SUSD3: variants seen among roughly 807,000 people sequenced by gnomAD.
SUSD3 encodes the protein sushi domain-containing protein 3.
Under a neutral mutation model 20.6 loss-of-function variants are expected in SUSD3, and 18 were observed. The ratio of observed to expected loss-of-function variants is 0.87; its 90% confidence interval spans 0.60 to 1.30. The LOEUF is 1.30. Among genes scored for constraint, SUSD3 ranks in the 50% most tolerant of loss-of-function variants. The probability of loss-of-function intolerance (pLI) is 0.00; values close to 1 mark genes in which losing one functional copy is unlikely to be tolerated. For missense variants in SUSD3, 306 were observed against 346.9 expected (o/e 0.88, Z 0.94); for synonymous variants, 137 against 141.5 (o/e 0.97, Z 0.23).
chr9:93,078,301 G>A (rs965754680), intron 3 of SUSD3, among the ~76,000 whole-genome samples: 5 of 152,134 alleles, frequency 3.3e-5, no homozygotes, highest in Admixed American at 1.3e-4. Context: ...CTGTCACCCA[G>A]GCGACAGAGT....
chr9:93,070,491 G>A (rs764763242), intron 1 of SUSD3, among the ~76,000 whole-genome samples: 6 of 152,244 alleles, frequency 3.9e-5, no homozygotes, highest in Non-Finnish European at 8.8e-5. Context: ...CGGGGATAAA[G>A]AGCCAGGTGC....
chr9:93,075,202 GT>G (rs918819419), intron 1 of SUSD3, among the ~76,000 whole-genome samples: 2 of 151,810 alleles, frequency 1.3e-5, no homozygotes, highest in African/African-American at 4.8e-5. Flanking sequence ...GAACTTGTTG[GT>G]TTTTTTTAAA....
At chr9:93,061,966 AG>A (rs1587893591) in intron 1 of SUSD3, among the ~76,000 whole-genome samples, 1 of 152,226 alleles carries the variant, frequency 6.6e-6, no homozygotes, top group African/African-American at 2.4e-5. Flanking sequence ...GTCAGGTTAT[AG>A]GGGCTGTGTG....
intron 2 of SUSD3, among the ~76,000 whole-genome samples, chr9:93,076,689 C>T (rs571130931): frequency 3.9e-5 from 6 of 152,308 alleles, no homozygotes; most frequent in East Asian, 3.9e-4. Context: ...TCTGAGGATG[C>T]GAGTGTTAGG....
At chr9:93,067,591 T>A (rs1825764610) in intron 1 of SUSD3, among the ~76,000 whole-genome samples, 1 of 151,880 alleles carries the variant, frequency 6.6e-6, no homozygotes, top group Non-Finnish European at 1.5e-5. Context: ...CACTTCGTAT[T>A]GTCTGTCTTT....
intron 1 of SUSD3, among the ~76,000 whole-genome samples, chr9:93,062,232 C>G (rs976401911): frequency 6.6e-6 from 1 of 152,216 alleles, no homozygotes; most frequent in African/African-American, 2.4e-5. Context: ...CAGGTGTGGC[C>G]CTGAGGTACC....
chr9:93,075,049 ATT>A (rs933605271), intron 1 of SUSD3, among the ~76,000 whole-genome samples: 27 of 152,138 alleles, frequency 1.8e-4, no homozygotes, highest in African/African-American at 5.3e-4. Context: ...CAACTTGCAC[ATT>A]GTTTTCTTTT....
At chr9:93,073,852 A>G (rs1221481501) in intron 1 of SUSD3, among the ~76,000 whole-genome samples, 2 of 152,166 alleles carry the variant, frequency 1.3e-5, no homozygotes, top group Admixed American at 1.3e-4. Context: ...CTGTGTGTGT[A>G]TGAACGTGTG....
rs1313568269 is a variant in SUSD3 at position 93,084,779 on chromosome 9, A to G, written c.*32A>G. 11 of 1,450,590 alleles carry G rather than the reference A, an allele frequency of 7.6e-6. No homozygotes were observed. The highest frequency in any genetic ancestry group is 1.0e-5 in the Non-Finnish European group (11 of 1,102,894). 89.9% of individuals were successfully genotyped at this position (1,450,590 alleles called of 1,614,324 possible). A position where few individuals can be genotyped will look rare whatever the true frequency, so the allele number is the denominator to read the frequency against. ...AGTGAGGCTGGTGCCCATGCTCCAC[A>G]CTGGGAGGCCAGGCTGACCCCACCA... On this transcript the variant is annotated 3_prime_UTR_variant, in exon 5 of 5. Transcript: ENST00000375472.
intron 3 of SUSD3, among the ~76,000 whole-genome samples, chr9:93,078,835 T>G (rs1464998141): frequency 6.6e-6 from 1 of 152,074 alleles, no homozygotes; most frequent in African/African-American, 2.4e-5. Context: ...AGTCTCACTC[T>G]GTCGCCCAGG....
At chr9:93,060,853 CA>C (rs1825476007) in intron 1 of SUSD3, among the ~76,000 whole-genome samples, 1 of 152,050 alleles carries the variant, frequency 6.6e-6, no homozygotes, top group African/African-American at 2.4e-5. Context: ...AAACAAAAAC[CA>C]AAAACATAGC....
chr9:93,075,757 A>G (rs767394412), intron 1 of SUSD3, 27 bp from the exon 2 acceptor site: 2 of 170,728 alleles, frequency 1.2e-5, no homozygotes, highest in South Asian at 7.2e-5. Flanking sequence ...CCCCCCCGCC[A>G]TGCCTCATAC....
In SUSD3 at chr9:93,060,688, T is replaced by C. The variant is rs143605912; in HGVS notation, c.88+1858T>C. Among the ~76,000 whole-genome samples the C allele has an allele frequency of 4.6e-3, 701 of 152,016 alleles. 5 individuals are homozygous for C. The highest frequency in any genetic ancestry group is 7.5e-3 in the Non-Finnish European group (512 of 67,940). ...TCTACAAAAAATGCAAAAAAAAAATTAGCTGAGCATGGTGGCATGCGCCTG... is the reference window on the plus strand; with the variant it reads ...TCTACAAAAAATGCAAAAAAAAAATCAGCTGAGCATGGTGGCATGCGCCTG... On this transcript the variant is annotated intron_variant, in intron 1 of 4. Coordinates refer to ENST00000375472, the MANE Select transcript of SUSD3 (RefSeq NM_145006.4).
In SUSD3 at chr9:93,075,935, C is replaced by A. The variant is rs1307847062; in HGVS notation, c.240C>A (p.Ser80Arg). ...SGLLTCTWKG[S>R]IAEWSSGSPV... ...TCCTCACCTGCACCTGGAAGGGGAG[C>A]ATCGCTGAGTGGTCTTCAGGGTCCC... The change falls in exon 2 of 5, where the codon AGC becomes AGA. Residue 80 changes from serine (S) to arginine (R), a missense_variant. Coordinates refer to ENST00000375472, the MANE Select transcript of SUSD3 (RefSeq NM_145006.4). 2 of 1,612,418 alleles carry A rather than the reference C, an allele frequency of 1.2e-6. No individual in the cohort carries two copies. The highest frequency in any genetic ancestry group is 1.7e-6 in the Non-Finnish European group (2 of 1,178,922).
chr9:93,072,211 G>GA (rs1283957458), intron 1 of SUSD3, among the ~76,000 whole-genome samples: 1 of 152,060 alleles, frequency 6.6e-6, no homozygotes, highest in African/African-American at 2.4e-5. Context: ...CCTCAAGGCA[G>GA]AAGCAGTGTA....
At chr9:93,077,212 C>CAT (rs1438470655) in intron 2 of SUSD3, among the ~76,000 whole-genome samples, 1 of 152,158 alleles carries the variant, frequency 6.6e-6, no homozygotes, top group East Asian at 1.9e-4. Flanking sequence ...ACAGCAGATA[C>CAT]ATAGTATTTT....
intron 1 of SUSD3, among the ~76,000 whole-genome samples, chr9:93,072,851 A>G (rs979106426): frequency 1.3e-5 from 2 of 152,174 alleles, no homozygotes; most frequent in African/African-American, 4.8e-5. Context: ...CAACTGAAGG[A>G]TGGAGGGACT....
chr9:93,078,925 G>A (rs1050611504), intron 3 of SUSD3, among the ~76,000 whole-genome samples: 4 of 151,470 alleles, frequency 2.6e-5, no homozygotes, highest in Admixed American at 6.6e-5. Context: ...TCAGCCTCCC[G>A]AGTAGCTGGG....
rs549023437 is a variant in SUSD3, at chr9:93,063,860, GC to G, written c.88+5036del. 1.2e-4 allele frequency among the ~76,000 whole-genome samples: 19 copies of G among 152,248 alleles called. No individual in the cohort carries two copies. The South Asian group carries it at 3.9e-3, about 32-fold the overall frequency. The stretch of plus-strand genomic sequence containing the variant: ...GTCTGAGGCCAGGACTGCGTTTAAG[GC>G]CCCCCAGCCCCACCAGGCACCATCC... On this transcript the variant is annotated intron_variant, in intron 1 of 4. Coordinates refer to ENST00000375472, the MANE Select transcript of SUSD3 (RefSeq NM_145006.4).
Sources: gnomAD v4.1 joint callset for allele counts (sites outside exome capture counted in the v4.1 genomes callset) on GRCh38, gnomAD v4.1.1 for gene constraint, MANE v1.5 for transcripts, NCBI Gene and HGNC (gene_info 2026-07-23, HGNC 2026-07-21) for gene names.